The following MYO5C variants were observed in gnomAD, a reference collection of about 807,000 sequenced individuals.
MYO5C encodes the protein myosin VC.
A neutral mutation model predicts 235.7 loss-of-function variants in MYO5C; 194 were observed. The observed-to-expected ratio is 0.82, with a 90% CI of 0.73 to 0.93. The LOEUF is 0.93. Ranked by LOEUF, MYO5C falls within the 40% of genes least tolerant of loss-of-function variation. The pLI is 0.00. For synonymous variants in MYO5C, 707 were observed against 754.8 expected (o/e 0.94, Z 1.04); for missense variants, 2,038 against 2,127.2 (o/e 0.96, Z 0.82).
In MYO5C at chr15:52,194,045, T is replaced by A. The variant is rs776601796; in HGVS notation, c.5086A>T (p.Asn1696Tyr). ...AGCTGTGATGAATCCTCCCGGCTAT[T>A]TAGGAGAGCCTGAAATTAGAATCAG... is the stretch of plus-strand genomic sequence containing the variant. Reference protein sequence around the residue: ...SFVRKVQALLNSREDSSQLML... With the variant: ...SFVRKVQALLYSREDSSQLML... Residue 1696 changes from asparagine to tyrosine, a missense_variant, in exon 41 of 41, where the codon AAT becomes TAT. By Grantham distance (143) the Asn-to-Tyr change is moderately radical. Coordinates refer to ENST00000261839, the MANE Select transcript of MYO5C (RefSeq NM_018728.4). The A allele has an allele frequency of 2.5e-6, 4 of 1,609,650 alleles. No individual in the cohort carries two copies. The highest frequency in any genetic ancestry group is 3.4e-6 in the Non-Finnish European group (4 of 1,178,898).
At position 52,229,268 on chromosome 15, in the gene MYO5C, CT is replaced by C. The variant is rs1247882083; in HGVS notation, c.3071del (p.Lys1024SerfsTer6). ...SFELKTQDYEKQIQSLKEEIK... is the reference protein window; with the variant it reads ...SFELKTQDYEXQIQSLKEEIK... ...TTTCTTCTTTCAAAGACTGAATCTG[CT>C]TCTCATAGTCTTGTGTTTTCAGTTC... is the stretch of plus-strand genomic sequence containing the variant. On this transcript the variant is annotated frameshift_variant, in exon 25 of 41. Coordinates refer to ENST00000261839, the MANE Select transcript of MYO5C (RefSeq NM_018728.4). LOFTEE classifies it high-confidence loss of function. The C allele has an allele frequency of 1.2e-6, 2 of 1,614,034 alleles. No homozygotes were observed. Among genetic ancestry groups the C allele is most frequent in the Non-Finnish European group, 8.5e-7 (1 of 1,180,032 alleles).
intron 40 of MYO5C, 24 bp from the exon 41 acceptor site, chr15:52,194,078 A>G: frequency 3.1e-6 from 5 of 1,605,112 alleles, no homozygotes; most frequent in Non-Finnish European, 3.4e-6. Context: ...CAGAGGAAAA[A>G]TGAGTAAGGA....
intron 6 of MYO5C, 21 bp from the exon 7 acceptor site, chr15:52,271,865 C>T: frequency 2.0e-6 from 3 of 1,522,552 alleles, no homozygotes; most frequent in Non-Finnish European, 2.7e-6. Flanking sequence ...AAGAAATGTC[C>T]TCAAAATTAC....
intron 5 of MYO5C, among the ~76,000 whole-genome samples, chr15:52,273,392 C>G (rs1381064455): frequency 6.6e-6 from 1 of 152,200 alleles, no homozygotes; most frequent in Non-Finnish European, 1.5e-5. Context: ...ATATGAGAAT[C>G]ATAAGCAACT....
chr15:52,265,805 A>AT (rs1376995462), intron 8 of MYO5C, among the ~76,000 whole-genome samples: 2 of 152,164 alleles, frequency 1.3e-5, no homozygotes, highest in African/African-American at 4.8e-5. Context: ...TGCTGCGATT[A>AT]TAGGAATGAG....
chr15:52,224,762 G>T (rs2035780133), intron 28 of MYO5C, 139 bp downstream of exon 28: 2 of 690,512 alleles, frequency 2.9e-6, no homozygotes, highest in Non-Finnish European at 4.9e-6. Flanking sequence ...ACTTCTCAGA[G>T]AAATATTTCT....
intron 39 of MYO5C, among the ~76,000 whole-genome samples, chr15:52,196,107 G>A (rs1447147388): frequency 1.3e-5 from 2 of 150,880 alleles, no homozygotes; most frequent in Admixed American, 1.3e-4. Flanking sequence ...ACCTCGCCCA[G>A]CCCATTTCTA....
rs796468489 is a variant in MYO5C, at chr15:52,252,442, AT to A, written c.1536+874del. ...GCGAAATTTGATCTTGATACATGTG[AT>A]TTTTTTTTTTTTGAGATGGAAACCC... On this transcript the variant is annotated intron_variant, in intron 12 of 40. Coordinates refer to ENST00000261839, the MANE Select transcript of MYO5C (RefSeq NM_018728.4). 4.2e-3 allele frequency among the ~76,000 whole-genome samples: 617 copies of A among 145,874 alleles called. 4 individuals carry two copies. Among genetic ancestry groups the A allele is most frequent in the Middle Eastern group, 0.017 (5 of 286 alleles).
intron 6 of MYO5C, 75 bp downstream of exon 6, chr15:52,272,505 G>T: frequency 7.1e-7 from 1 of 1,411,884 alleles, no homozygotes; most frequent in Non-Finnish European, 9.9e-7. Flanking sequence ...AGTGTAGCTT[G>T]CCTGAGTATG....
chr15:52,211,773 G>T lies in MYO5C; in HGVS notation c.4253C>A (p.Ser1418Tyr), dbSNP rs780594091. ...DSLNDANMLK[S>Y]LMNSTINGIK... ...GCCATTAATGGTGCTGTTCATGAGG[G>T]ACTTCAGCATGTTGGCATCATTCAG... Residue 1418 changes from serine to tyrosine, a missense_variant, in exon 35 of 41, where the codon TCC becomes TAC. Transcript: ENST00000261839. The T allele has an allele frequency of 1.2e-5, 20 of 1,614,128 alleles. No homozygotes were observed. Among genetic ancestry groups the T allele is most frequent in the Admixed American group, 3.3e-5 (2 of 60,012 alleles).
At chr15:52,283,478 A>G (rs535435978) in intron 1 of MYO5C, among the ~76,000 whole-genome samples, 3 of 152,292 alleles carry the variant, frequency 2.0e-5, no homozygotes, top group African/African-American at 7.2e-5. Flanking sequence ...ACCCAGCTCA[A>G]TTCCCAGCAG....
At chr15:52,243,968 G>A (rs543578478) in intron 19 of MYO5C, among the ~76,000 whole-genome samples, 2 of 152,338 alleles carry the variant, frequency 1.3e-5, no homozygotes, top group Admixed American at 6.5e-5. Flanking sequence ...CAGGCTGGTC[G>A]CTGGCTATTC....
chr15:52,291,905 A>T (rs988940330), intron 1 of MYO5C, among the ~76,000 whole-genome samples: 16 of 150,550 alleles, frequency 1.1e-4, no homozygotes, highest in Admixed American at 2.6e-4. Context: ...CGCCTGGCTA[A>T]TTTTTTTGTA....
intron 11 of MYO5C, among the ~76,000 whole-genome samples, chr15:52,255,021 AAAG>A (rs984514558): frequency 2.2e-4 from 34 of 151,982 alleles, no homozygotes; most frequent in African/African-American, 8.0e-4. Context: ...AAAAAAAAAA[AAAG>A]AAACTTCTAC....
chr15:52,245,298 T>C, intron 18 of MYO5C, 56 bp downstream of exon 18: 2 of 1,136,396 alleles, frequency 1.8e-6, no homozygotes, highest in South Asian at 2.5e-5. Context: ...AACAGCATGT[T>C]TGGGAGATGT....
At chr15:52,195,864 T>C (rs2035036907) in intron 39 of MYO5C, among the ~76,000 whole-genome samples, 1 of 151,108 alleles carries the variant, frequency 6.6e-6, no homozygotes. Flanking sequence ...AGTGGCATGA[T>C]CATGGCTCAC....
intron 23 of MYO5C, among the ~76,000 whole-genome samples, chr15:52,233,917 C>CT (rs201871902): frequency 1.1e-4 from 16 of 148,906 alleles, no homozygotes; most frequent in Non-Finnish European, 1.6e-4. Context: ...CTCCAAATTA[C>CT]TTTTTTTTTT....
intron 20 of MYO5C, 88 bp from the exon 21 acceptor site, chr15:52,239,967 G>A (rs1266006762): frequency 1.5e-5 from 21 of 1,373,494 alleles, no homozygotes; most frequent in East Asian, 2.4e-5. Context: ...CAACTACCAC[G>A]GTGTAGAAAA....
intron 1 of MYO5C, among the ~76,000 whole-genome samples, chr15:52,286,313 G>T (rs2037270319): frequency 6.7e-6 from 1 of 149,528 alleles, no homozygotes; most frequent in Non-Finnish European, 1.5e-5. Context: ...CCGGGAGGGA[G>T]GTGGGGGGGG....
Sources: gnomAD v4.1 joint callset for allele counts (sites outside exome capture counted in the v4.1 genomes callset) on GRCh38, gnomAD v4.1.1 for gene constraint, MANE v1.5 for transcripts, NCBI Gene and HGNC (gene_info 2026-07-23, HGNC 2026-07-21) for gene names.